KCNMB2: variants seen among roughly 807,000 people sequenced by gnomAD.
KCNMB2 encodes calcium-activated potassium channel subunit beta-2.
A neutral mutation model predicts 24.5 loss-of-function variants in KCNMB2; 9 were observed. That is an observed-to-expected ratio of 0.37 (90% CI 0.22 to 0.64). The LOEUF (loss-of-function observed/expected upper bound fraction) is 0.64, where lower values mean the gene tolerates loss of function less well. Ranked by LOEUF, KCNMB2 falls within the 30% of genes least tolerant of loss-of-function variation. KCNMB2 has a pLI of 0.63. For missense variants in KCNMB2, 226 were observed against 284.3 expected (o/e 0.79, Z 1.47); for synonymous variants, 109 against 104.4 (o/e 1.04, Z -0.27).
At chr3:178,614,509 A>T (rs986190521) in intron 1 of KCNMB2, among the ~76,000 whole-genome samples, 9 of 151,470 alleles carry the variant, frequency 5.9e-5, no homozygotes, top group African/African-American at 1.9e-4. Flanking sequence ...CATGAGACTT[A>T]TTCACTATCA....
At chr3:178,757,966 T>C (rs1247263186) in intron 1 of KCNMB2, among the ~76,000 whole-genome samples, 1 of 77,858 alleles carries the variant, frequency 1.3e-5, no homozygotes, top group African/African-American at 6.2e-5. Context: ...CAAGAGGATA[T>C]ATATATAGAC....
chr3:178,542,004 T>C (rs1352960211), intron 1 of KCNMB2, among the ~76,000 whole-genome samples: 1 of 152,144 alleles, frequency 6.6e-6, no homozygotes, highest in African/African-American at 2.4e-5. Context: ...GGAATTAGTT[T>C]ATCCTGTGCA....
intron 1 of KCNMB2, among the ~76,000 whole-genome samples, chr3:178,547,489 T>A (rs146830920): frequency 6.6e-6 from 1 of 152,196 alleles, no homozygotes; most frequent in Non-Finnish European, 1.5e-5. Context: ...TTCCCTTTCA[T>A]CATAAAACAT....
chr3:178,762,235 T>C (rs1225576569), intron 1 of KCNMB2, among the ~76,000 whole-genome samples: 1 of 152,070 alleles, frequency 6.6e-6, no homozygotes, highest in African/African-American at 2.4e-5. Flanking sequence ...GGTGGAGCTC[T>C]TAGAAAGTGT....
intron 1 of KCNMB2, among the ~76,000 whole-genome samples, chr3:178,726,489 C>G: frequency 6.6e-6 from 1 of 151,842 alleles, no homozygotes; most frequent in Non-Finnish European, 1.5e-5. Flanking sequence ...TTTCAGTTTT[C>G]TTTGACTTGA....
intron 1 of KCNMB2, among the ~76,000 whole-genome samples, chr3:178,794,486 G>A (rs998067309): frequency 1.3e-5 from 2 of 152,200 alleles, no homozygotes; most frequent in African/African-American, 4.8e-5. Flanking sequence ...AAGGAGGCCT[G>A]CAGGAGTTGC....
intron 1 of KCNMB2, among the ~76,000 whole-genome samples, chr3:178,759,699 C>CATATATATATCCAAGAGGGATATAT (rs1711640422): frequency 4.8e-5 from 4 of 83,264 alleles, no homozygotes; most frequent in Non-Finnish European, 1.1e-4. Context: ...TATATATACA[C>CATATATATATCCAAGAGGGATATAT]ATATATATAT....
intron 1 of KCNMB2, among the ~76,000 whole-genome samples, chr3:178,625,247 C>T (rs1719070900): frequency 6.6e-6 from 1 of 152,102 alleles, no homozygotes; most frequent in African/African-American, 2.4e-5. Context: ...GGAGGGACAC[C>T]CAAGGAAAAG....
At chr3:178,589,448 T>C (rs530951571) in intron 1 of KCNMB2, among the ~76,000 whole-genome samples, 2 of 152,162 alleles carry the variant, frequency 1.3e-5, no homozygotes, top group Admixed American at 1.3e-4. Flanking sequence ...GTTTTTTCCT[T>C]GGGGGGAGGG....
chr3:178,576,930 A>T (rs1445486621), intron 1 of KCNMB2, among the ~76,000 whole-genome samples: 1 of 152,146 alleles, frequency 6.6e-6, no homozygotes, highest in Non-Finnish European at 1.5e-5. Context: ...AGCAGACTTA[A>T]ATATTCCTGA....
intron 1 of KCNMB2, among the ~76,000 whole-genome samples, chr3:178,580,866 G>C (rs1334850185): frequency 6.6e-6 from 1 of 152,024 alleles, no homozygotes; most frequent in African/African-American, 2.4e-5. Context: ...GGAAATAAGA[G>C]AGGACACAAA....
chr3:178,746,528 T>C (rs536001795), intron 1 of KCNMB2, among the ~76,000 whole-genome samples: 1 of 152,348 alleles, frequency 6.6e-6, no homozygotes, highest in Non-Finnish European at 1.5e-5. Flanking sequence ...CCTTGTTACT[T>C]ATGCAAATTT....
chr3:178,796,736 G>C (rs1713559073), intron 1 of KCNMB2, among the ~76,000 whole-genome samples: 1 of 152,044 alleles, frequency 6.6e-6, no homozygotes, highest in Admixed American at 6.5e-5. Flanking sequence ...AAACCTATGG[G>C]ATACAGTGAA....
At chr3:178,665,555 G>C (rs12486694) in intron 1 of KCNMB2, among the ~76,000 whole-genome samples, 1 of 151,846 alleles carries the variant, frequency 6.6e-6, no homozygotes, top group Non-Finnish European at 1.5e-5. Flanking sequence ...AAGCTACTTT[G>C]CACTATACAA....
intron 1 of KCNMB2, among the ~76,000 whole-genome samples, chr3:178,545,404 T>A (rs1033772592): frequency 6.6e-6 from 1 of 152,150 alleles, no homozygotes; most frequent in African/African-American, 2.4e-5. Context: ...GGAAAGCTGG[T>A]AAAGGTCAAG....
chr3:178,796,941 A>T (rs7429185), intron 1 of KCNMB2, among the ~76,000 whole-genome samples: 24,808 of 151,968 alleles, frequency 0.16, 2,154 homozygotes, highest in Middle Eastern at 0.24. Context: ...AATACAAAAG[A>T]TCAATGAAAC....
At chr3:178,682,531 T>C (rs956032926) in intron 1 of KCNMB2, among the ~76,000 whole-genome samples, 5 of 152,172 alleles carry the variant, frequency 3.3e-5, no homozygotes, top group African/African-American at 1.2e-4. Context: ...ATGCCACAAA[T>C]GTGACTTGTA....
At position 178,796,952 on chromosome 3, in the gene KCNMB2, A is replaced by T. The variant is rs7429200; in HGVS notation, c.-67-10391A>T. ...AAACAATACAAAAGATCAATGAAAC[A>T]AAAAGTTGGTTTTTTGAAAAGATAA... On this transcript the variant is annotated intron_variant, in intron 1 of 4. Transcript: ENST00000452583. Among the ~76,000 whole-genome samples, 50 of 152,024 alleles carry T rather than the reference A, an allele frequency of 3.3e-4. 1 individual carries two copies. The South Asian group carries it at 0.01, about 31-fold the overall frequency.
intron 1 of KCNMB2, among the ~76,000 whole-genome samples, chr3:178,604,871 T>C (rs1718217652): frequency 6.6e-6 from 1 of 152,194 alleles, no homozygotes; most frequent in Non-Finnish European, 1.5e-5. Flanking sequence ...GATTAGGCAA[T>C]CTGTAAGTTC....
Sources: gnomAD v4.1 joint callset for allele counts (sites outside exome capture counted in the v4.1 genomes callset) on GRCh38, gnomAD v4.1.1 for gene constraint, MANE v1.5 for transcripts, NCBI Gene and HGNC (gene_info 2026-07-23, HGNC 2026-07-21) for gene names.